Variants in PHLPP2 observed in about 807,000 individuals in gnomAD.
PHLPP2 encodes PH domain and leucine rich repeat protein phosphatase 2.
Under a neutral mutation model 124.9 loss-of-function variants are expected in PHLPP2, and 66 were observed. The ratio of observed to expected loss-of-function variants is 0.53; its 90% CI spans 0.43 to 0.65. The LOEUF (loss-of-function observed/expected upper bound fraction) is 0.65. Ranked by LOEUF, PHLPP2 falls within the 30% of genes least tolerant of loss-of-function variation. The pLI is 0.00. For missense variants in PHLPP2, 1,685 were observed against 1,600.4 expected (o/e 1.05, Z -0.90); for synonymous variants, 681 against 624.7 (o/e 1.09, Z -1.34).
At chr16:71,668,798 C>T (rs1170787934) in intron 11 of PHLPP2, among the ~76,000 whole-genome samples, 2 of 152,092 alleles carry the variant, frequency 1.3e-5, no homozygotes, top group South Asian at 2.1e-4. Context: ...TGCCAGCTCC[C>T]GTCACTTCCT....
At chr16:71,703,462 C>A (rs978862442) in intron 2 of PHLPP2, among the ~76,000 whole-genome samples, 14 of 151,704 alleles carry the variant, frequency 9.2e-5, no homozygotes, top group African/African-American at 3.4e-4. Context: ...TCTGGTGACA[C>A]TGTATTTTAA....
chr16:71,717,520 C>T (rs189849054), intron 1 of PHLPP2, among the ~76,000 whole-genome samples: 79 of 152,290 alleles, frequency 5.2e-4, no homozygotes, highest in Admixed American at 1.6e-3. Context: ...CAAAGCTGAA[C>T]ATCTCAGAAT....
At chr16:71,692,057 T>G (rs2045118697) in intron 3 of PHLPP2, among the ~76,000 whole-genome samples, 1 of 151,886 alleles carries the variant, frequency 6.6e-6, no homozygotes, top group East Asian at 1.9e-4. Flanking sequence ...TGGGTTGTAC[T>G]CCTGGTATTA....
chr16:71,702,629 A>C lies in PHLPP2; in HGVS notation c.387T>G (p.Pro129=). ...AAAATCGAATCATACAGCCGAGGTC[A>C]GGATTTGTAGCCTCCTCCTGTATGC... is the stretch of plus-strand genomic sequence containing the variant. ...PVRIQEEATN[P]DLGCMIRFYG... The change falls in exon 3 of 19, where the codon CCT becomes CCG. Residue 129 remains proline, a synonymous_variant. Transcript: ENST00000568954. 2 of 1,611,084 alleles carry C rather than the reference A, an allele frequency of 1.2e-6. No individual in the cohort carries two copies. The highest frequency in any genetic ancestry group is 1.7e-6 in the Non-Finnish European group (2 of 1,179,162).
chr16:71,666,642 C>T (rs1199029269), intron 12 of PHLPP2, among the ~76,000 whole-genome samples: 2 of 152,196 alleles, frequency 1.3e-5, no homozygotes, highest in African/African-American at 4.8e-5. Context: ...GACATGTCAT[C>T]TATTTGTTAA....
chr16:71,694,886 G>C (rs895151594), intron 3 of PHLPP2, among the ~76,000 whole-genome samples: 1 of 151,998 alleles, frequency 6.6e-6, no homozygotes, highest in Non-Finnish European at 1.5e-5. Context: ...TTGGGTTCAC[G>C]CCATTCTCCT....
intron 2 of PHLPP2, among the ~76,000 whole-genome samples, chr16:71,711,540 T>A (rs1309483498): frequency 6.6e-6 from 1 of 152,182 alleles, no homozygotes; most frequent in East Asian, 1.9e-4. Context: ...CTCTACCACT[T>A]AGTAGCCGAT....
chr16:71,652,998 T>C lies in PHLPP2; in HGVS notation c.2609A>G (p.Lys870Arg), dbSNP rs2044708376. The C allele has an allele frequency of 6.2e-7, 1 of 1,612,922 alleles. No individual in the cohort carries two copies. The highest frequency in any genetic ancestry group is 1.1e-5 in the South Asian group (1 of 91,066). ...GCACAGGAGAGCGGAGGAGCCCAAC[T>C]TCTGGCCAGCCATTCCTAATTTCCT... Reference protein sequence around the residue: ...SHRKLGMAGQKLGSSALLCYI... With the variant: ...SHRKLGMAGQRLGSSALLCYI... The change falls in exon 18 of 19, where the codon AAG (lysine) becomes AGG (arginine). Residue 870 changes from lysine to arginine, a missense_variant. Lys to Arg is a conservative substitution (Grantham distance 26). Coordinates refer to ENST00000568954, the MANE Select transcript of PHLPP2 (RefSeq NM_015020.3).
Position 71,658,368 on chromosome 16 carries a change from G to GA in PHLPP2, c.2149-6dup, listed in dbSNP as rs757134796. 64 of 1,609,666 alleles carry GA rather than the reference G, an allele frequency of 4.0e-5. No homozygotes were observed. In the East Asian group the frequency reaches 1.3e-3, roughly 32 times the overall value. ...GTTGCAACTTAGGTCTACAAACTAA[G>GA]AAAAAATTGAGAAATCAAAAGAAAA... On this transcript the variant is annotated splice_region_variant and splice_polypyrimidine_tract_variant and intron_variant, in intron 14 of 18. Coordinates refer to ENST00000568954, the MANE Select transcript of PHLPP2 (RefSeq NM_015020.3).
rs1180034859 is a variant in PHLPP2 at position 71,652,807 on chromosome 16, T to C, written c.2800A>G (p.Lys934Glu). Residue 934 changes from lysine to glutamate, a missense_variant, in exon 18 of 19, where the codon AAA (lysine) becomes GAA (glutamate). By Grantham distance (56) the Lys-to-Glu change is moderately conservative. Coordinates refer to ENST00000568954, the MANE Select transcript of PHLPP2 (RefSeq NM_015020.3). ...GAACACACCTCTGTGATGATGGCTT[T>C]TTGGTCCTTCACCCTTTGAGCCTCC... ...PEEAQRVKDQ[K>E]AIITEDNKVN... The C allele has an allele frequency of 6.2e-7, 1 of 1,613,766 alleles. No individual in the cohort carries two copies. Among genetic ancestry groups the C allele is most frequent in the Non-Finnish European group, 8.5e-7 (1 of 1,179,676 alleles).
Position 71,656,700 on chromosome 16 carries a change from G to A in PHLPP2, c.2280-19C>T, listed in dbSNP as rs1179451229. On this transcript the variant is annotated intron_variant, in intron 15 of 18. Coordinates refer to ENST00000568954, the MANE Select transcript of PHLPP2 (RefSeq NM_015020.3). ...GATATGGCTGTGGGAGGTGAAGGAAGATTAAACCATATATTCTTCTGTATT... is the reference window on the plus strand; with the variant it reads ...GATATGGCTGTGGGAGGTGAAGGAAAATTAAACCATATATTCTTCTGTATT... The A allele has an allele frequency of 7.4e-7, 1 of 1,348,130 alleles. No homozygotes were observed. Among genetic ancestry groups the A allele is most frequent in the Non-Finnish European group, 1.1e-6 (1 of 938,662 alleles). The allele number at this position is 1,348,130 out of a possible 1,614,324, so 83.5% of individuals were successfully genotyped here.
At chr16:71,710,410 C>T (rs1455960662) in intron 2 of PHLPP2, among the ~76,000 whole-genome samples, 2 of 152,162 alleles carry the variant, frequency 1.3e-5, no homozygotes, top group Non-Finnish European at 2.9e-5. Flanking sequence ...TAATGAATAA[C>T]TCAGAGAAAA....
intron 6 of PHLPP2, among the ~76,000 whole-genome samples, chr16:71,680,026 T>A (rs2044982625): frequency 6.6e-6 from 1 of 151,058 alleles, no homozygotes; most frequent in South Asian, 2.1e-4. Context: ...GAGCTTGCAG[T>A]GAGCCGACAT....
chr16:71,707,604 A>G (rs2045286726), intron 2 of PHLPP2, among the ~76,000 whole-genome samples: 1 of 152,150 alleles, frequency 6.6e-6, no homozygotes, highest in African/African-American at 2.4e-5. Context: ...AAAACATTGT[A>G]CTGAACACCA....
chr16:71,675,085 C>T (rs983261708), intron 9 of PHLPP2, among the ~76,000 whole-genome samples: 3 of 152,082 alleles, frequency 2.0e-5, no homozygotes, highest in Non-Finnish European at 4.4e-5. Context: ...GGGATATATC[C>T]CAATCAGGAA....
intron 3 of PHLPP2, among the ~76,000 whole-genome samples, chr16:71,696,134 G>A (rs963044170): frequency 3.3e-5 from 5 of 152,106 alleles, no homozygotes; most frequent in Non-Finnish European, 7.3e-5. Context: ...TTGTATTAGG[G>A]TGGTGGAATG....
intron 4 of PHLPP2, among the ~76,000 whole-genome samples, chr16:71,686,093 G>A (rs1161472094): frequency 2.0e-5 from 3 of 152,162 alleles, no homozygotes; most frequent in African/African-American, 4.8e-5. Context: ...GTGACAGAGC[G>A]AGACTCTGTC....
At chr16:71,668,769 A>C (rs1304694518) in intron 11 of PHLPP2, among the ~76,000 whole-genome samples, 1 of 152,154 alleles carries the variant, frequency 6.6e-6, no homozygotes, top group Non-Finnish European at 1.5e-5. Flanking sequence ...GTCTCCAAAA[A>C]AAAAAGACTA....
At chr16:71,702,408 ATAT>A (rs2045240896) in intron 3 of PHLPP2, among the ~76,000 whole-genome samples, 187 bp downstream of exon 3, 1 of 152,232 alleles carries the variant, frequency 6.6e-6, no homozygotes, top group Admixed American at 6.5e-5. Context: ...AAAAGAGAAG[ATAT>A]TTTTAAAGTG....
Sources: allele counts gnomAD v4.1 joint callset (sites outside exome capture counted in the v4.1 genomes callset), GRCh38; gene constraint gnomAD v4.1.1; transcripts MANE v1.5; gene names NCBI Gene and HGNC (gene_info 2026-07-23, HGNC 2026-07-21).